MACROD2: variants seen among roughly 807,000 people sequenced by gnomAD.
MACROD2 encodes the protein ADP-ribose glycohydrolase MACROD2.
In MACROD2, 36 loss-of-function variants were observed where a neutral mutation model predicts 70.4. That is an observed-to-expected ratio of 0.51 (90% CI 0.39 to 0.68). The LOEUF is 0.68. Among genes scored for constraint, MACROD2 ranks in the 30% least tolerant of loss-of-function variants. The pLI is 0.00. For missense variants in MACROD2, 496 were observed against 538.4 expected, an observed-to-expected ratio of 0.92 and a Z score of 0.78; for synonymous variants, 172 against 178.8, an observed-to-expected ratio of 0.96 and a Z score of 0.30.
intron 13 of MACROD2, among the ~76,000 whole-genome samples, chr20:15,985,282 G>T (rs1261854301): frequency 2.0e-5 from 3 of 152,082 alleles, no homozygotes; most frequent in Non-Finnish European, 4.4e-5. Flanking sequence ...AACGGGTATG[G>T]AGGGCACACA....
chr20:14,183,822 G>A (rs1601323125), intron 3 of MACROD2, among the ~76,000 whole-genome samples: 1 of 152,080 alleles, frequency 6.6e-6, no homozygotes, highest in Admixed American at 6.6e-5. Context: ...ATTGTTGGCT[G>A]CATATATGTC....
chr20:15,737,359 G>A (rs1224375426), intron 8 of MACROD2, among the ~76,000 whole-genome samples: 1 of 152,156 alleles, frequency 6.6e-6, no homozygotes, highest in Admixed American at 6.5e-5. Flanking sequence ...AAGAAGATGA[G>A]TTTTCTAAGG....
intron 2 of MACROD2, among the ~76,000 whole-genome samples, 193 bp downstream of exon 2, chr20:14,002,597 T>C (rs754305488): frequency 6.6e-6 from 1 of 152,218 alleles, no homozygotes; most frequent in Non-Finnish European, 1.5e-5. Context: ...ACATAATTTG[T>C]GTTCTGAAAT....
chr20:14,260,890 T>C (rs1176671364), intron 3 of MACROD2, among the ~76,000 whole-genome samples: 1 of 152,252 alleles, frequency 6.6e-6, no homozygotes, highest in Non-Finnish European at 1.5e-5. Context: ...GAAGGCCTAT[T>C]CCATACTGAG....
chr20:14,709,415 A>G (rs2071311013), intron 5 of MACROD2, among the ~76,000 whole-genome samples: 9 of 152,124 alleles, frequency 5.9e-5, no homozygotes, highest in Admixed American at 3.3e-4. Flanking sequence ...TCACACACTC[A>G]CATAAGGTAA....
chr20:15,929,306 T>C (rs6110832), intron 10 of MACROD2, among the ~76,000 whole-genome samples: 16,104 of 152,176 alleles, frequency 0.11, 1,344 homozygotes, highest in East Asian at 0.29. Flanking sequence ...TTTTATGCAG[T>C]GCATGTAAAT....
At chr20:15,710,923 T>G (rs2050616862) in intron 8 of MACROD2, among the ~76,000 whole-genome samples, 1 of 152,224 alleles carries the variant, frequency 6.6e-6, no homozygotes, top group Non-Finnish European at 1.5e-5. Context: ...GAGCAAAGTT[T>G]TCTTTTCCTG....
At chr20:15,575,849 T>A (rs942490065) in intron 8 of MACROD2, among the ~76,000 whole-genome samples, 4 of 152,110 alleles carry the variant, frequency 2.6e-5, no homozygotes, top group African/African-American at 9.7e-5. Context: ...CGGCCACGAC[T>A]CCCTCCTCCC....
intron 5 of MACROD2, among the ~76,000 whole-genome samples, chr20:15,051,717 CA>C (rs1424637210): frequency 6.6e-6 from 1 of 150,716 alleles, no homozygotes; most frequent in Non-Finnish European, 1.5e-5. Flanking sequence ...AAAGTCTTGC[CA>C]AATTGACACA....
At chr20:15,374,202 G>A (rs543911902) in intron 6 of MACROD2, among the ~76,000 whole-genome samples, 4 of 151,544 alleles carry the variant, frequency 2.6e-5, no homozygotes, top group East Asian at 1.9e-4. Context: ...ATAGATATAC[G>A]CACATACACA....
chr20:14,945,789 A>C (rs1293364662), intron 5 of MACROD2, among the ~76,000 whole-genome samples: 1 of 152,170 alleles, frequency 6.6e-6, no homozygotes, highest in Non-Finnish European at 1.5e-5. Flanking sequence ...TAAAATGAGA[A>C]AATAAACTTA....
chr20:15,041,007 G>C (rs2075352033), intron 5 of MACROD2, among the ~76,000 whole-genome samples: 1 of 152,030 alleles, frequency 6.6e-6, no homozygotes, highest in African/African-American at 2.4e-5. Flanking sequence ...ACTTTTTGGT[G>C]GAAATACTTG....
chr20:14,193,170 A>AT (rs2081402187), intron 3 of MACROD2, among the ~76,000 whole-genome samples: 1 of 152,192 alleles, frequency 6.6e-6, no homozygotes, highest in Non-Finnish European at 1.5e-5. Context: ...GAACCATCTT[A>AT]AAGTGTGTAC....
At chr20:14,365,977 T>A (rs2083268176) in intron 3 of MACROD2, among the ~76,000 whole-genome samples, 2 of 152,204 alleles carry the variant, frequency 1.3e-5, no homozygotes, top group African/African-American at 2.4e-5. Flanking sequence ...TTTGGATGAC[T>A]TCAATTTTTT....
chr20:14,720,569 T>TTGTTTTTG (rs2071455651), intron 5 of MACROD2, among the ~76,000 whole-genome samples: 7 of 84,162 alleles, frequency 8.3e-5, no homozygotes, highest in African/African-American at 3.3e-4. Context: ...TTTTTTTTTT[T>TTGTTTTTG]TGTGAGGCAG....
At chr20:14,376,789 A>G (rs370930047) in intron 3 of MACROD2, among the ~76,000 whole-genome samples, 1 of 124,144 alleles carries the variant, frequency 8.1e-6, no homozygotes, top group Admixed American at 8.6e-5. Flanking sequence ...AATAATAATA[A>G]TAATAATAAT....
intron 4 of MACROD2, among the ~76,000 whole-genome samples, chr20:14,575,447 T>C (rs1431634457): frequency 6.6e-6 from 1 of 152,182 alleles, no homozygotes; most frequent in Non-Finnish European, 1.5e-5. Flanking sequence ...GATGAAAAAG[T>C]TAAATGATGT....
chr20:14,434,870 C>T (rs2084038462), intron 3 of MACROD2, among the ~76,000 whole-genome samples: 1 of 152,090 alleles, frequency 6.6e-6, no homozygotes, highest in Non-Finnish European at 1.5e-5. Flanking sequence ...CCAATGAGTG[C>T]CAGTGGTCAA....
At chr20:15,358,577 T>A (rs968057000) in intron 6 of MACROD2, among the ~76,000 whole-genome samples, 4 of 152,198 alleles carry the variant, frequency 2.6e-5, no homozygotes, top group Non-Finnish European at 5.9e-5. Flanking sequence ...TTTGTTCATA[T>A]AATTATATAT....
Sources: gnomAD v4.1 joint callset for allele counts (sites outside exome capture counted in the v4.1 genomes callset) on GRCh38, gnomAD v4.1.1 for gene constraint, MANE v1.5 for transcripts, NCBI Gene and HGNC (gene_info 2026-07-23, HGNC 2026-07-21) for gene names.